GCH1: variants seen among roughly 807,000 people sequenced by gnomAD.
The protein encoded by GCH1 is GTP cyclohydrolase 1, also known as GTP cyclohydrolase I.
Under a neutral mutation model 25.9 loss-of-function variants are expected in GCH1, and 5 were observed. That is an observed-to-expected ratio of 0.19 (90% CI 0.10 to 0.41). The LOEUF (loss-of-function observed/expected upper bound fraction) is 0.41, where lower values mean the gene tolerates loss of function less well. Ranked by LOEUF, GCH1 falls within the 10% of genes least tolerant of loss-of-function variation. The pLI, the probability that GCH1 is intolerant of heterozygous loss-of-function variation, is 1.00. For missense variants in GCH1, 261 were observed against 336.5 expected, an observed-to-expected ratio of 0.78 and a Z score of 1.75; for synonymous variants, 159 against 129.6, an observed-to-expected ratio of 1.23 and a Z score of -1.54.
At chr14:54,886,493 T>C (rs955310440) in intron 1 of GCH1, among the ~76,000 whole-genome samples, 25 of 152,088 alleles carry the variant, frequency 1.6e-4, no homozygotes, top group African/African-American at 4.8e-5. Context: ...GTGCCTGTAG[T>C]CCCAGCTGCT....
intron 1 of GCH1, among the ~76,000 whole-genome samples, chr14:54,886,841 G>A (rs561054571): frequency 6.6e-6 from 1 of 152,290 alleles, no homozygotes; most frequent in Non-Finnish European, 1.5e-5. Context: ...CAGGAAACAC[G>A]CATCAGGGGT....
intron 3 of GCH1, among the ~76,000 whole-genome samples, chr14:54,853,662 T>C (rs2039767879): frequency 6.6e-6 from 1 of 152,248 alleles, no homozygotes; most frequent in African/African-American, 2.4e-5. Flanking sequence ...CTGGGTCATG[T>C]TGAAAACAGT....
chr14:54,896,729 G>A (rs180754138), intron 1 of GCH1, among the ~76,000 whole-genome samples: 7 of 151,360 alleles, frequency 4.6e-5, no homozygotes, highest in South Asian at 4.2e-4. Context: ...TGGCTAACAC[G>A]GTGAAACCCC....
chr14:54,859,600 A>C, intron 3 of GCH1, 81 bp downstream of exon 3: 1 of 830,638 alleles, frequency 1.2e-6, no homozygotes, highest in Non-Finnish European at 2.2e-6. Context: ...TAAAGAGAGA[A>C]AGCCTGATGA....
At chr14:54,880,354 A>G (rs1001435874) in intron 1 of GCH1, among the ~76,000 whole-genome samples, 1 of 144,714 alleles carries the variant, frequency 6.9e-6, no homozygotes, top group African/African-American at 2.5e-5. Flanking sequence ...CATTAATAAT[A>G]TATTATAAAA....
intron 1 of GCH1, 32 bp from the exon 2 acceptor site, chr14:54,865,468 C>T (rs758312108): frequency 2.4e-5 from 24 of 1,012,596 alleles, no homozygotes; most frequent in Non-Finnish European, 3.6e-5. Flanking sequence ...AGTAACATGT[C>T]CAATTTTATA....
chr14:54,899,022 C>T lies in GCH1; in HGVS notation c.343+3299G>A, dbSNP rs138322377. On this transcript the variant is annotated intron_variant, in intron 1 of 5. Transcript: ENST00000491895. ...ACAAACACATTACTCTAGGCCTACA[C>T]AGGTCAGGATCACCAAGACATCACC... Among the ~76,000 whole-genome samples, 815 of 152,282 alleles carry T rather than the reference C, an allele frequency of 5.4e-3. 12 individuals carry two copies. The highest frequency in any genetic ancestry group is 0.019 in the African/African-American group (771 of 41,554).
At chr14:54,897,677 T>C (rs571855519) in intron 1 of GCH1, among the ~76,000 whole-genome samples, 1 of 152,230 alleles carries the variant, frequency 6.6e-6, no homozygotes, top group Non-Finnish European at 1.5e-5. Flanking sequence ...TCTGTAGCAG[T>C]ATAAGGAAGT....
At chr14:54,856,654 T>C (rs887934567) in intron 3 of GCH1, among the ~76,000 whole-genome samples, 1 of 152,176 alleles carries the variant, frequency 6.6e-6, no homozygotes, top group Non-Finnish European at 1.5e-5. Flanking sequence ...GGTTTCACCA[T>C]GTTGGCCAGG....
intron 1 of GCH1, among the ~76,000 whole-genome samples, chr14:54,869,452 T>G (rs537896487): frequency 5.9e-5 from 9 of 152,178 alleles, no homozygotes; most frequent in Non-Finnish European, 1.3e-4. Context: ...TTATAATTAT[T>G]CTGTAAGTCA....
chr14:54,850,026 G>A (rs2039701169), intron 3 of GCH1, among the ~76,000 whole-genome samples: 1 of 152,002 alleles, frequency 6.6e-6, no homozygotes, highest in African/African-American at 2.4e-5. Flanking sequence ...CCAGGCTGGA[G>A]TGCAGCAGCA....
At chr14:54,845,530 T>G (rs914995288) in intron 5 of GCH1, among the ~76,000 whole-genome samples, 2 of 151,678 alleles carry the variant, frequency 1.3e-5, no homozygotes, top group Admixed American at 1.3e-4. Context: ...TGCTTTTAAC[T>G]CCCTATGCCT....
chr14:54,873,614 G>T (rs1368384387), intron 1 of GCH1, among the ~76,000 whole-genome samples: 1 of 151,860 alleles, frequency 6.6e-6, no homozygotes, highest in African/African-American at 2.4e-5. Context: ...TAATAAAGAA[G>T]AAAAGAGAGA....
chr14:54,870,597 A>G (rs747902806), intron 1 of GCH1, among the ~76,000 whole-genome samples: 4 of 152,180 alleles, frequency 2.6e-5, no homozygotes, highest in Non-Finnish European at 5.9e-5. Flanking sequence ...TCCCTTTCCT[A>G]GTCAAAGAAA....
chr14:54,863,367 A>AGC (rs1295262518), intron 2 of GCH1, among the ~76,000 whole-genome samples: 2 of 139,948 alleles, frequency 1.4e-5, no homozygotes. Flanking sequence ...GCTTGCAGTG[A>AGC]GCCGAGATCA....
At chr14:54,893,152 G>C (rs1197011928) in intron 1 of GCH1, among the ~76,000 whole-genome samples, 2 of 152,154 alleles carry the variant, frequency 1.3e-5, no homozygotes, top group Admixed American at 6.5e-5. Context: ...TCTTGGCCTT[G>C]AGTATAACAG....
At chr14:54,882,534 A>AAC (rs945439947) in intron 1 of GCH1, among the ~76,000 whole-genome samples, 2 of 152,186 alleles carry the variant, frequency 1.3e-5, no homozygotes, top group African/African-American at 4.8e-5. Context: ...CATTTTTAAA[A>AAC]ACACACACAC....
chr14:54,849,851 T>G (rs1437760315), intron 3 of GCH1, among the ~76,000 whole-genome samples: 4 of 152,248 alleles, frequency 2.6e-5, no homozygotes, highest in Non-Finnish European at 5.9e-5. Flanking sequence ...ATTTAATCTA[T>G]GTCTAATCTA....
intron 1 of GCH1, among the ~76,000 whole-genome samples, chr14:54,895,556 C>A (rs866466278): frequency 6.6e-5 from 10 of 152,104 alleles, no homozygotes; most frequent in Non-Finnish European, 1.0e-4. Flanking sequence ...AAGATCAAGG[C>A]CCTCAGAGAA....
Sources: allele counts gnomAD v4.1 joint callset (sites outside exome capture counted in the v4.1 genomes callset), GRCh38; gene constraint gnomAD v4.1.1; transcripts MANE v1.5; gene names NCBI Gene and HGNC (gene_info 2026-07-23, HGNC 2026-07-21).